CLCA2: variants seen among roughly 807,000 people sequenced by gnomAD.
CLCA2 encodes calcium-activated chloride channel regulator 2.
In CLCA2, 85 loss-of-function variants were observed where a neutral mutation model predicts 82.9. That is an observed-to-expected ratio of 1.03 (90% confidence interval 0.86 to 1.23). CLCA2 has a LOEUF of 1.23. Among genes scored for constraint, CLCA2 ranks in the 50% most tolerant of loss-of-function variants. The pLI, the probability that CLCA2 is intolerant of heterozygous loss-of-function variation, is 0.00. For synonymous variants in CLCA2, 421 were observed against 391.7 expected, an observed-to-expected ratio of 1.07 and a Z score of -0.88; for missense variants, 1,089 against 1,124.8, an observed-to-expected ratio of 0.97 and a Z score of 0.45.
chr1:86,437,507 G>A (rs755495251), intron 6 of CLCA2, among the ~76,000 whole-genome samples: 1 of 152,194 alleles, frequency 6.6e-6, no homozygotes, highest in Admixed American at 6.5e-5. Flanking sequence ...GCTAGGTTGG[G>A]TGATGTAAGG....
At chr1:86,442,214 G>T (rs1417824404) in intron 9 of CLCA2, among the ~76,000 whole-genome samples, 1 of 152,060 alleles carries the variant, frequency 6.6e-6, no homozygotes, top group Non-Finnish European at 1.5e-5. Context: ...TTTATTTAAC[G>T]TGAAGATTAT....
intron 10 of CLCA2, among the ~76,000 whole-genome samples, chr1:86,445,211 C>T (rs1662824172): frequency 6.6e-6 from 1 of 151,960 alleles, no homozygotes; most frequent in South Asian, 2.1e-4. Flanking sequence ...TCTTGACAGC[C>T]CCTTAACTAG....
At chr1:86,433,646 GAAA>G (rs934839359) in intron 5 of CLCA2, among the ~76,000 whole-genome samples, 1 of 152,154 alleles carries the variant, frequency 6.6e-6, no homozygotes, top group African/African-American at 2.4e-5. Context: ...TGAAATGGAA[GAAA>G]AAGAGTTAAA....
At position 86,434,665 on chromosome 1, in the gene CLCA2, C is replaced by T. The variant is rs770494833; in HGVS notation, c.892C>T (p.Pro298Ser). ...SFPMNGTELPPPPTFSLVQAG... is the reference protein window; with the variant it reads ...SFPMNGTELPSPPTFSLVQAG... Reference sequence around the variant, plus strand: ...TCCCATGAATGGGACTGAGCTTCCACCTCCTCCCACATTCTCGCTTGTACA... The same window carrying T: ...TCCCATGAATGGGACTGAGCTTCCATCTCCTCCCACATTCTCGCTTGTACA... The change falls in exon 6 of 14, where the codon CCT (proline) becomes TCT (serine). Residue 298 changes from proline (P) to serine (S), a missense_variant. Transcript: ENST00000370565. The T allele has an allele frequency of 4.3e-5, 69 of 1,614,008 alleles. No homozygotes were observed. Among genetic ancestry groups the T allele is most frequent in the Non-Finnish European group, 5.5e-5 (65 of 1,179,998 alleles).
chr1:86,438,773 T>C, intron 6 of CLCA2, 103 bp from the exon 7 acceptor site: 1 of 913,920 alleles, frequency 1.1e-6, no homozygotes, highest in Non-Finnish European at 1.7e-6. Context: ...TGATCCAACA[T>C]CTCTAAAGAA....
At chr1:86,425,174 T>A (rs1040108836) in intron 1 of CLCA2, among the ~76,000 whole-genome samples, 165 bp from the exon 2 acceptor site, 10 of 152,204 alleles carry the variant, frequency 6.6e-5, no homozygotes, top group African/African-American at 2.4e-4. Context: ...AAAGTTTTTT[T>A]AAAAATTTGC....
At position 86,456,239 on chromosome 1, in the gene CLCA2, T is replaced by G. The variant is rs1400311985; in HGVS notation, c.*712T>G. ...TTATGGATGATAGTTATAGCCCTTATAATGCCTTAACTAAGGAAGAAAAGA... is the reference window on the plus strand; with the variant it reads ...TTATGGATGATAGTTATAGCCCTTAGAATGCCTTAACTAAGGAAGAAAAGA... On this transcript the variant is annotated 3_prime_UTR_variant, in exon 14 of 14. Coordinates refer to ENST00000370565, the MANE Select transcript of CLCA2 (RefSeq NM_006536.7). The G allele has an allele frequency of 6.6e-6, 1 of 152,262 alleles. No homozygotes were observed. Among genetic ancestry groups the G allele is most frequent in the Non-Finnish European group, 1.5e-5 (1 of 68,044 alleles). The allele number at this position is 152,262 out of a possible 1,614,324, so 9.4% of individuals were successfully genotyped here.
chr1:86,427,838 C>G (rs1457928249), intron 2 of CLCA2, among the ~76,000 whole-genome samples: 1 of 151,906 alleles, frequency 6.6e-6, no homozygotes, highest in Non-Finnish European at 1.5e-5. Context: ...AATGGTCAGG[C>G]CATAAGATGA....
At chr1:86,435,862 C>A (rs1185108286) in intron 6 of CLCA2, among the ~76,000 whole-genome samples, 2 of 151,408 alleles carry the variant, frequency 1.3e-5, no homozygotes. Flanking sequence ...TGCCCAGGGT[C>A]AGCAAACTAT....
chr1:86,454,227 T>C (rs1052537895), intron 13 of CLCA2, among the ~76,000 whole-genome samples: 8 of 152,192 alleles, frequency 5.3e-5, no homozygotes, highest in African/African-American at 7.2e-5. Context: ...TCAGAAATTG[T>C]ATTTTTCCCC....
chr1:86,434,097 C>T (rs1417253790), intron 5 of CLCA2, among the ~76,000 whole-genome samples: 2 of 151,994 alleles, frequency 1.3e-5, no homozygotes, highest in Non-Finnish European at 2.9e-5. Flanking sequence ...GTTGACTGAT[C>T]AACAAATAAA....
chr1:86,453,799 C>T (rs556825903), intron 13 of CLCA2, among the ~76,000 whole-genome samples, 197 bp downstream of exon 13: 4 of 152,252 alleles, frequency 2.6e-5, no homozygotes, highest in African/African-American at 4.8e-5. Flanking sequence ...GGCTAACTCA[C>T]GGATACTAAC....
chr1:86,443,701 CAATT>C, intron 9 of CLCA2, 82 bp from the exon 10 acceptor site: 1 of 962,350 alleles, frequency 1.0e-6, no homozygotes, highest in South Asian at 1.8e-5. Flanking sequence ...TTATTTTTGC[CAATT>C]AATTGTTGTT....
At chr1:86,440,513 C>T (rs549221463) in intron 8 of CLCA2, among the ~76,000 whole-genome samples, 188 bp downstream of exon 8, 1 of 152,134 alleles carries the variant, frequency 6.6e-6, no homozygotes, top group South Asian at 2.1e-4. Flanking sequence ...CCTAAAGGTT[C>T]CAACTATATA....
chr1:86,429,975 T>C (rs1662461733), intron 3 of CLCA2, among the ~76,000 whole-genome samples: 1 of 152,172 alleles, frequency 6.6e-6, no homozygotes, highest in Non-Finnish European at 1.5e-5. Context: ...GCACAATCTT[T>C]CCCTCAACAC....
chr1:86,443,254 C>T (rs902707355), intron 9 of CLCA2, among the ~76,000 whole-genome samples: 1 of 152,156 alleles, frequency 6.6e-6, no homozygotes, highest in African/African-American at 2.4e-5. Flanking sequence ...GTCTCAAACT[C>T]CTGACCTCAG....
chr1:86,427,036 C>A (rs1372379476), intron 2 of CLCA2, among the ~76,000 whole-genome samples: 1 of 152,206 alleles, frequency 6.6e-6, no homozygotes, highest in East Asian at 1.9e-4. Flanking sequence ...GTCAATTAAG[C>A]AAACAGTGAA....
chr1:86,452,301 G>A (rs1662988617), intron 12 of CLCA2, among the ~76,000 whole-genome samples: 1 of 142,434 alleles, frequency 7.0e-6, no homozygotes, highest in African/African-American at 2.6e-5. Context: ...CCACTTTCTT[G>A]CCCTCCTCTC....
At position 86,444,013 on chromosome 1, in the gene CLCA2, T is replaced by C; in HGVS notation, c.1713+2T>C. Reference sequence around the variant, plus strand: ...CTTTGGATTCCAGGAACAGCTAAGGTAGGTGTTGTGAGTTTGTTCCTAAGG... The same window carrying C: ...CTTTGGATTCCAGGAACAGCTAAGGCAGGTGTTGTGAGTTTGTTCCTAAGG... On this transcript the variant is annotated splice_donor_variant, in intron 10 of 13. Coordinates refer to ENST00000370565, the MANE Select transcript of CLCA2 (RefSeq NM_006536.7). LOFTEE classifies it high-confidence loss of function. 1 of 1,593,094 alleles carries C rather than the reference T, an allele frequency of 6.3e-7. No homozygotes were observed.
Sources: gnomAD v4.1 joint callset for allele counts (sites outside exome capture counted in the v4.1 genomes callset) on GRCh38, gnomAD v4.1.1 for gene constraint, MANE v1.5 for transcripts, NCBI Gene and HGNC (gene_info 2026-07-23, HGNC 2026-07-21) for gene names.